The following SEMA3A variants were observed in gnomAD, a reference collection of about 807,000 sequenced individuals.
The protein encoded by SEMA3A is semaphorin 3A, also known as semaphorin-3A.
In SEMA3A, 29 loss-of-function variants were observed where a neutral mutation model predicts 97.9. That is an observed-to-expected ratio of 0.30 (90% confidence interval 0.22 to 0.40). The LOEUF is 0.40. Among genes scored for constraint, SEMA3A ranks in the 10% least tolerant of loss-of-function variants. The pLI, the probability that SEMA3A is intolerant of heterozygous loss-of-function variation, is 1.00. For synonymous variants in SEMA3A, 321 were observed against 323.7 expected (o/e 0.99, Z 0.09); for missense variants, 763 against 951.3 (o/e 0.80, Z 2.60).
At chr7:84,356,666 G>C (rs1159170026) in intron 2 of SEMA3A, among the ~76,000 whole-genome samples, 1 of 151,660 alleles carries the variant, frequency 6.6e-6, no homozygotes, top group African/African-American at 2.4e-5. Flanking sequence ...TGATATTTTT[G>C]TTTTTTTGAT....
intron 3 of SEMA3A, among the ~76,000 whole-genome samples, chr7:84,265,066 G>T (rs909045232): frequency 6.6e-6 from 1 of 152,028 alleles, no homozygotes; most frequent in Admixed American, 6.6e-5. Context: ...GAAGATGAAG[G>T]CTTCACTTGA....
At chr7:84,313,647 C>G (rs929978213) in intron 2 of SEMA3A, among the ~76,000 whole-genome samples, 5 of 151,364 alleles carry the variant, frequency 3.3e-5, no homozygotes, top group Admixed American at 6.6e-5. Context: ...TTGAGAATAT[C>G]AGCTTGATGA....
chr7:84,140,482 T>G (rs764862044), intron 1 of SEMA3A, among the ~76,000 whole-genome samples: 1 of 152,254 alleles, frequency 6.6e-6, no homozygotes, highest in Middle Eastern at 3.4e-3. Flanking sequence ...TGAAAGGTAA[T>G]AGGACCCCAC....
intron 1 of SEMA3A, among the ~76,000 whole-genome samples, chr7:84,436,510 A>G (rs1175567503): frequency 1.3e-5 from 2 of 152,188 alleles, no homozygotes; most frequent in Non-Finnish European, 2.9e-5. Context: ...AAGCTAATGC[A>G]ATATGCATAA....
intron 9 of SEMA3A, among the ~76,000 whole-genome samples, chr7:84,009,613 A>G (rs1213716512): frequency 6.6e-6 from 1 of 152,174 alleles, no homozygotes; most frequent in Non-Finnish European, 1.5e-5. Flanking sequence ...CTTTATATGC[A>G]TGTAAATGTA....
At chr7:84,357,404 C>T (rs766025492) in intron 2 of SEMA3A, among the ~76,000 whole-genome samples, 40 of 150,804 alleles carry the variant, frequency 2.7e-4, no homozygotes, top group Non-Finnish European at 4.9e-4. Context: ...TCTGTCTTTG[C>T]GATAGTTTGC....
chr7:84,209,596 A>G (rs1040914526), intron 3 of SEMA3A, among the ~76,000 whole-genome samples: 2 of 152,180 alleles, frequency 1.3e-5, no homozygotes, highest in Admixed American at 6.6e-5. Context: ...TCAAAACCAT[A>G]GTATAAAATG....
intron 2 of SEMA3A, among the ~76,000 whole-genome samples, chr7:84,323,277 G>C (rs1430326872): frequency 6.6e-6 from 1 of 152,088 alleles, no homozygotes; most frequent in Non-Finnish European, 1.5e-5. Context: ...ATACTCAAGA[G>C]TACTTGATTT....
At chr7:84,441,487 A>G (rs1805272469) in intron 1 of SEMA3A, among the ~76,000 whole-genome samples, 1 of 152,042 alleles carries the variant, frequency 6.6e-6, no homozygotes, top group African/African-American at 2.4e-5. Context: ...AAGACATCAG[A>G]AATTTTTTGG....
At chr7:84,204,631 G>C (rs1411138438) in intron 3 of SEMA3A, among the ~76,000 whole-genome samples, 1 of 152,102 alleles carries the variant, frequency 6.6e-6, no homozygotes, top group African/African-American at 2.4e-5. Flanking sequence ...GAGGATCTAG[G>C]CTCTTATTAA....
intron 2 of SEMA3A, among the ~76,000 whole-genome samples, chr7:84,367,833 C>A (rs1456908896): frequency 6.6e-6 from 1 of 151,132 alleles, no homozygotes; most frequent in Non-Finnish European, 1.5e-5. Flanking sequence ...GCATTGAATT[C>A]TTTGGAGTGT....
chr7:84,220,191 A>G (rs1798844212), intron 3 of SEMA3A, among the ~76,000 whole-genome samples: 1 of 152,154 alleles, frequency 6.6e-6, no homozygotes, highest in South Asian at 2.1e-4. Context: ...TTAAGAAACC[A>G]CTTTCTTTCT....
chr7:84,429,093 G>C (rs1804900692), intron 1 of SEMA3A, among the ~76,000 whole-genome samples: 1 of 152,028 alleles, frequency 6.6e-6, no homozygotes, highest in Admixed American at 6.6e-5. Context: ...CAAGAGGAGG[G>C]AGACAGTGGT....
intron 4 of SEMA3A, among the ~76,000 whole-genome samples, chr7:84,091,347 A>C (rs1794598865): frequency 8.4e-6 from 1 of 119,628 alleles, no homozygotes; most frequent in Non-Finnish European, 2.0e-5. Flanking sequence ...AGAGGAGGGA[A>C]GGAAGGAAGA....
At chr7:84,266,274 T>C (rs182163329) in intron 3 of SEMA3A, among the ~76,000 whole-genome samples, 1 of 121,128 alleles carries the variant, frequency 8.3e-6, no homozygotes, top group African/African-American at 3.3e-5. Flanking sequence ...TGAGTCAAGA[T>C]CATGCCACTG....
At chr7:84,106,676 A>C (rs749632179) in intron 4 of SEMA3A, among the ~76,000 whole-genome samples, 14 of 152,184 alleles carry the variant, frequency 9.2e-5, no homozygotes, top group Non-Finnish European at 1.8e-4. Context: ...GCTATTAAAT[A>C]AGAAAGTAAG....
chr7:84,199,434 CTG>C (rs10588571), upstream of SEMA3A, among the ~76,000 whole-genome samples: 61,705 of 151,724 alleles, frequency 0.41, 12,893 homozygotes, highest in Non-Finnish European at 0.48. Flanking sequence ...GTTAGTTAAT[CTG>C]TTCTTCTAAG....
chr7:84,059,385 C>T (rs975460449), intron 5 of SEMA3A, among the ~76,000 whole-genome samples: 5 of 151,628 alleles, frequency 3.3e-5, no homozygotes, highest in Admixed American at 3.3e-4. Context: ...AACATGGTGA[C>T]AAAAGAAAAC....
intron 3 of SEMA3A, among the ~76,000 whole-genome samples, chr7:84,291,122 A>G (rs967048356): frequency 3.3e-5 from 5 of 152,044 alleles, no homozygotes; most frequent in Admixed American, 2.0e-4. Flanking sequence ...TCTGTGTGTT[A>G]TATTACCTTG....
Sources: gnomAD v4.1 joint callset for allele counts (sites outside exome capture counted in the v4.1 genomes callset) on GRCh38, gnomAD v4.1.1 for gene constraint, MANE v1.5 for transcripts, NCBI Gene and HGNC (gene_info 2026-07-23, HGNC 2026-07-21) for gene names.